The following UPF3B variants were observed in gnomAD, a reference collection of about 807,000 sequenced individuals.
UPF3B encodes regulator of nonsense transcripts 3B.
UPF3B carries 7 observed loss-of-function variants against 40.3 expected under a neutral mutation model. The observed-to-expected ratio is 0.17, with a 90% confidence interval of 0.10 to 0.33. The LOEUF is 0.33. UPF3B is among the 10% of genes least tolerant of loss of function. The pLI is 1.00. For missense variants in UPF3B, 229 were observed against 358.9 expected (o/e 0.64, Z 2.93); for synonymous variants, 117 against 117.3 (o/e 1.00, Z 0.01).
intron 10 of UPF3B, among the ~76,000 whole-genome samples, chrX:119,837,012 C>T (rs1398562225): frequency 4.7e-5 from 5 of 107,166 alleles, no homozygotes; most frequent in African/African-American, 1.0e-4. Context: ...GGCGTGATCT[C>T]GGCTCACCTC....
In UPF3B at chrX:119,807,438, CCCTT is replaced by C. The variant is rs1293133217; in HGVS notation, c.*11+33_*11+36del. The C allele has an allele frequency of 3.4e-6, 3 of 884,301 alleles. No individual in the cohort carries two copies. The African/African-American group carries it at 6.3e-5, about 18-fold the overall frequency. 72.9% of individuals were successfully genotyped at this position (884,301 alleles called of 1,213,427 possible). On this transcript the variant is annotated intron_variant, in intron 6 of 6. Coordinates refer to the UPF3B transcript ENST00000636792. ...CCTAAGGCCATCTGGACTTAACACT[CCCTT>C]CCTCCTTCTTTTCTATGGTTAATAT...
chrX:119,817,101 C>T (rs1366219286), intron 4 of UPF3B, among the ~76,000 whole-genome samples: 1 of 111,353 alleles, frequency 9.0e-6, no homozygotes, highest in Non-Finnish European at 1.9e-5. Flanking sequence ...TCCTGAGTAG[C>T]TAGAATTACA....
chrX:119,818,280 C>A (rs760412885), intron 4 of UPF3B, among the ~76,000 whole-genome samples: 5 of 109,652 alleles, frequency 4.6e-5, no homozygotes, highest in East Asian at 5.8e-4. Flanking sequence ...ACAACAACAA[C>A]AAAAATCCTC....
rs776651800 is a variant in UPF3B, at chrX:119,840,677, C to T, written c.815G>A (p.Arg272Lys). The T allele has an allele frequency of 3.3e-6, 4 of 1,208,004 alleles. No individual in the cohort carries two copies. In the South Asian group the frequency reaches 5.3e-5, roughly 16 times the overall value. ...LKDEPKIKVH[R>K]FLLQAVNQKN... Reference sequence around the variant, plus strand: ...CTGATTCACAGCTTGTAACAGAAACCTGTGTACCTGAAGACAGTGGAAAAC... The same window carrying T: ...CTGATTCACAGCTTGTAACAGAAACTTGTGTACCTGAAGACAGTGGAAAAC... Residue 272 changes from arginine (R) to lysine (K), a missense_variant, in exon 8 of 11, where the codon AGG becomes AAG. Physicochemically the swap from Arg to Lys is conservative, Grantham distance 26 (BLOSUM62 2). Transcript: ENST00000276201.
At chrX:119,842,297 T>C (rs1248895800) in intron 5 of UPF3B, among the ~76,000 whole-genome samples, 1 of 111,383 alleles carries the variant, frequency 9.0e-6, no homozygotes, top group Non-Finnish European at 1.9e-5. Flanking sequence ...AAAACACATA[T>C]TCCTGGCCGG....
rs755409228 is a variant in UPF3B at position 119,850,066 on chromosome X, G to A, written c.370+1429C>T. On this transcript the variant is annotated intron_variant, in intron 3 of 10. Coordinates refer to ENST00000276201, the MANE Select transcript of UPF3B (RefSeq NM_080632.3). ...GCACTTTGGGAGGCTGAGGTGGGGG[G>A]GGGGAAATCACTTGAGCCCAGGAGT... Among the ~76,000 whole-genome samples, 228 of 103,342 alleles carry A rather than the reference G, an allele frequency of 2.2e-3. 1 individual carries two copies. Among genetic ancestry groups the A allele is most frequent in the African/African-American group, 8.4e-3 (215 of 25,699 alleles). The allele number at this position is 103,342 out of a possible 115,157, so 89.7% of individuals were successfully genotyped here.
intron 3 of UPF3B, among the ~76,000 whole-genome samples, chrX:119,847,587 GA>G (rs2056250731): frequency 9.1e-6 from 1 of 109,645 alleles, no homozygotes; most frequent in Admixed American, 9.8e-5. Flanking sequence ...CCAACATGGT[GA>G]AACTCCGTCT....
downstream of UPF3B, among the ~76,000 whole-genome samples, chrX:119,831,318 CCTT>C (rs1317250724): frequency 9.3e-6 from 1 of 107,305 alleles, no homozygotes; most frequent in East Asian, 2.8e-4. Context: ...CTCTCCTCCT[CCTT>C]TTTTTGTTTT....
chrX:119,843,173 T>C lies in UPF3B; in HGVS notation c.580+18A>G. 9.4e-7 allele frequency: 1 copy of C among 1,062,423 alleles called. No homozygotes were observed. The highest frequency in any genetic ancestry group is 1.3e-6 in the Non-Finnish European group (1 of 759,655). The allele number at this position is 1,062,423 out of a possible 1,213,427, so 87.6% of individuals were successfully genotyped here. ...TGTGATGAAAAGACTGTTGCCCTGATTCTTTTTGCCCACTTACCTATTAAT... is the reference window on the plus strand; with the variant it reads ...TGTGATGAAAAGACTGTTGCCCTGACTCTTTTTGCCCACTTACCTATTAAT... On this transcript the variant is annotated intron_variant, in intron 5 of 10. Transcript: ENST00000276201.
chrX:119,808,709 C>T (rs1005492008), intron 5 of UPF3B, among the ~76,000 whole-genome samples: 9 of 108,615 alleles, frequency 8.3e-5, no homozygotes, highest in African/African-American at 2.7e-4. Context: ...GACGTGAAAA[C>T]GGCCTTGAGA....
At chrX:119,833,818 A>C (rs1300990297), downstream of UPF3B, among the ~76,000 whole-genome samples, 1 of 112,282 alleles carries the variant, frequency 8.9e-6, no homozygotes, top group East Asian at 2.8e-4. Flanking sequence ...TTTTATGTTT[A>C]AATTAATAGA....
At chrX:119,825,880 CAGGTGT>C (rs2055973499) in intron 3 of UPF3B, among the ~76,000 whole-genome samples, 1 of 112,140 alleles carries the variant, frequency 8.9e-6, no homozygotes, top group African/African-American at 3.2e-5. Context: ...AAGAGTCAGC[CAGGTGT>C]GGTGGCTCAT....
At position 119,843,318 on chromosome X, in the gene UPF3B, G is replaced by C. The variant is rs756006139; in HGVS notation, c.470-17C>G. 9.7e-7 allele frequency: 1 copy of C among 1,028,968 alleles called. No individual in the cohort carries two copies. Among genetic ancestry groups the C allele is most frequent in the African/African-American group, 1.9e-5 (1 of 53,620 alleles). 84.8% of individuals were successfully genotyped at this position (1,028,968 alleles called of 1,213,427 possible). On this transcript the variant is annotated splice_polypyrimidine_tract_variant and intron_variant, in intron 4 of 10. Coordinates refer to ENST00000276201, the MANE Select transcript of UPF3B (RefSeq NM_080632.3). ...ATTCTGGATCTAAATAATCATTTGA[G>C]GAAACAGAAAATATAATAGACTTTA...
chrX:119,830,663 G>A (rs780699202), downstream of UPF3B, among the ~76,000 whole-genome samples: 3 of 109,213 alleles, frequency 2.7e-5, no homozygotes, highest in South Asian at 3.9e-4. Context: ...AAAAAACCAA[G>A]GTAAGCTAGT....
intron 3 of UPF3B, among the ~76,000 whole-genome samples, chrX:119,828,078 G>A (rs761256873): frequency 6.1e-4 from 66 of 107,660 alleles, no homozygotes; most frequent in Non-Finnish European, 1.2e-3. Context: ...TTTCGAGCCG[G>A]AGTCTCGCTC....
chrX:119,833,798 A>C (rs1346810868), downstream of UPF3B, among the ~76,000 whole-genome samples: 4 of 112,309 alleles, frequency 3.6e-5, no homozygotes, highest in Non-Finnish European at 7.5e-5. Context: ...GAGCCACTGC[A>C]TCCAGCCTAT....
At chrX:119,832,917 G>A (rs1014829964), downstream of UPF3B, among the ~76,000 whole-genome samples, 20 of 111,652 alleles carry the variant, frequency 1.8e-4, no homozygotes, top group Non-Finnish European at 2.4e-4. Flanking sequence ...ACTACCTAAC[G>A]TATGCATGCT....
chrX:119,815,326 T>A (rs1019471951), intron 4 of UPF3B: 1 of 698,369 alleles, frequency 1.4e-6, no homozygotes, highest in Non-Finnish European at 1.7e-6. Flanking sequence ...CAATGAAATA[T>A]GTTACTGTTA....
chrX:119,840,477 A>G (rs2056148051), intron 8 of UPF3B, 169 bp downstream of exon 8: 5 of 422,177 alleles, frequency 1.2e-5, no homozygotes, highest in Non-Finnish European at 1.6e-5. Flanking sequence ...GCTTCCTTTT[A>G]AAGTAGAAAT....
Sources: allele counts gnomAD v4.1 joint callset (sites outside exome capture counted in the v4.1 genomes callset), GRCh38; gene constraint gnomAD v4.1.1; transcripts MANE v1.5; gene names NCBI Gene and HGNC (gene_info 2026-07-23, HGNC 2026-07-21).